MGST1: variants seen among roughly 807,000 people sequenced by gnomAD.
MGST1 encodes the protein glutathione S-transferase 12.
In MGST1, 5 loss-of-function variants were observed where a neutral mutation model predicts 8.9. The ratio of observed to expected loss-of-function variants is 0.56; its 90% CI spans 0.29 to 1.19. The LOEUF (loss-of-function observed/expected upper bound fraction) is 1.19. Among genes scored for constraint, MGST1 ranks in the 50% most tolerant of loss-of-function variants. The pLI is 0.08. For missense variants in MGST1, 182 were observed against 187.4 expected, an observed-to-expected ratio of 0.97 and a Z score of 0.17; for synonymous variants, 54 against 67.8, an observed-to-expected ratio of 0.80 and a Z score of 1.00.
At chr12:16,427,187 G>A (rs1012667326) in intron 1 of MGST1, among the ~76,000 whole-genome samples, 1 of 152,008 alleles carries the variant, frequency 6.6e-6, no homozygotes, top group South Asian at 2.1e-4. Flanking sequence ...ATTTTAAGAA[G>A]ACTAACATAT....
intron 4 of MGST1, among the ~76,000 whole-genome samples, chr12:16,529,116 T>C (rs538474520): frequency 1.1e-3 from 161 of 152,180 alleles, no homozygotes; most frequent in Non-Finnish European, 1.8e-3. Context: ...TTTCTGTAGC[T>C]CTTTTCTCCT....
chr12:16,502,905 A>G (rs1233045008), intron 4 of MGST1, among the ~76,000 whole-genome samples: 1 of 152,168 alleles, frequency 6.6e-6, no homozygotes, highest in African/African-American at 2.4e-5. Flanking sequence ...GCCACTTTCA[A>G]TCCTAGGCAT....
intron 4 of MGST1, among the ~76,000 whole-genome samples, chr12:16,525,525 T>G (rs1429287754): frequency 6.8e-6 from 1 of 148,068 alleles, no homozygotes; most frequent in East Asian, 2.0e-4. Context: ...TGCCACATTT[T>G]CTTAATCCAG....
intron 1 of MGST1, among the ~76,000 whole-genome samples, chr12:16,351,269 T>C (rs1488816718): frequency 2.0e-5 from 3 of 152,180 alleles, no homozygotes; most frequent in Non-Finnish European, 4.4e-5. Flanking sequence ...CTAATTACTT[T>C]ACCTACACTC....
At position 16,396,699 on chromosome 12, in the gene MGST1, A is replaced by G. The variant is rs142273679; in HGVS notation, n.778+13095A>G. On this transcript the variant is annotated intron_variant and non_coding_transcript_variant, in intron 1 of 1. Transcript: ENST00000359720. ...CTCCTCTTAAAATAGCTGCAAAAAAATAAAAAATACTTAGGAATATATCTA... is the reference window on the plus strand; with the variant it reads ...CTCCTCTTAAAATAGCTGCAAAAAAGTAAAAAATACTTAGGAATATATCTA... 2.9e-3 allele frequency among the ~76,000 whole-genome samples: 440 copies of G among 152,288 alleles called. 4 individuals are homozygous for G. Among genetic ancestry groups the G allele is most frequent in the African/African-American group, 1.0e-2 (415 of 41,576 alleles).
In MGST1 at chr12:16,401,903, A is replaced by G. The variant is rs1940658969; in HGVS notation, n.778+18299A>G. The G allele has an allele frequency of 4.4e-6, 7 of 1,605,488 alleles. No homozygotes were observed. In the South Asian group the frequency reaches 5.5e-5, roughly 13 times the overall value. ...ATTTGAGCTCCCCATCCTCCCTTAC[A>G]GCGACTGTATATGCCACAACTGCAC... is the stretch of plus-strand genomic sequence containing the variant. On this transcript the variant is annotated intron_variant and non_coding_transcript_variant, in intron 1 of 1. Coordinates refer to the MGST1 transcript ENST00000359720. The surrounding 1 kb of genome is among the most constrained non-coding windows in gnomAD (Gnocchi z 4.3).
intron 4 of MGST1, among the ~76,000 whole-genome samples, chr12:16,463,229 A>G (rs4764273): frequency 0.75 from 113,397 of 151,812 alleles, 42,478 homozygotes; most frequent in East Asian, 0.83. Context: ...GTCAACCTAG[A>G]GTGCAGTGGT....
At chr12:16,551,063 T>C (rs1035006680) in intron 4 of MGST1, 7 of 548,494 alleles carry the variant, frequency 1.3e-5, no homozygotes, top group African/African-American at 5.6e-5. Flanking sequence ...GCAATTTCAC[T>C]ACATACAGAT....
intron 1 of MGST1, among the ~76,000 whole-genome samples, chr12:16,351,982 CAATTG>C: frequency 6.6e-6 from 1 of 152,206 alleles, no homozygotes; most frequent in East Asian, 1.9e-4. Context: ...CACTTAATGT[CAATTG>C]AATTAGAATT....
At chr12:16,399,499 C>T in intron 1 of MGST1, 1 of 1,562,170 alleles carries the variant, frequency 6.4e-7, no homozygotes, top group Non-Finnish European at 8.8e-7. Flanking sequence ...CCCAACGACT[C>T]CTTAGAAGAG....
rs1441128861 is a variant in MGST1 at position 16,430,701 on chromosome 12, T to A, written n.779-6687T>A. 2.0e-5 allele frequency among the ~76,000 whole-genome samples: 3 copies of A among 152,308 alleles called. No homozygotes were observed. The Middle Eastern group carries it at 0.01, about 518-fold the overall frequency. Reference sequence around the variant, plus strand: ...AAAAAGATGTGCTACCATTCAGCCTTCATTGTTTCATTTATAGATCATAGA... The same window carrying A: ...AAAAAGATGTGCTACCATTCAGCCTACATTGTTTCATTTATAGATCATAGA... On this transcript the variant is annotated intron_variant and non_coding_transcript_variant, in intron 1 of 1. Coordinates refer to the MGST1 transcript ENST00000359720.
At chr12:16,521,152 G>A (rs377501856) in intron 4 of MGST1, among the ~76,000 whole-genome samples, 11 of 152,138 alleles carry the variant, frequency 7.2e-5, no homozygotes, top group East Asian at 5.8e-4. Context: ...GGTTCTGATC[G>A]TGTATACTTA....
rs558070351 is a variant in MGST1, at chr12:16,575,275, T to G, written n.483-14253T>G. Reference sequence around the variant, plus strand: ...TTGTTTATCTTCAAAAATATAGGCATAAGGTCAATTTCCACACACTAAACG... The same window carrying G: ...TTGTTTATCTTCAAAAATATAGGCAGAAGGTCAATTTCCACACACTAAACG... On this transcript the variant is annotated intron_variant and non_coding_transcript_variant, in intron 4 of 4. Coordinates refer to the MGST1 transcript ENST00000538857. Among the ~76,000 whole-genome samples, 8 of 152,224 alleles carry G rather than the reference T, an allele frequency of 5.3e-5. No individual in the cohort carries two copies. In the East Asian group the frequency reaches 1.5e-3, roughly 29 times the overall value.
chr12:16,377,209 A>ATATGTATT (rs1391465697), downstream of MGST1: 1 of 151,876 alleles, frequency 6.6e-6, no homozygotes, highest in African/African-American at 2.4e-5. Flanking sequence ...GGTTTGTTAC[A>ATATGTATT]TATGTATACA....
At chr12:16,352,530 G>A (rs1939517640) in intron 1 of MGST1, among the ~76,000 whole-genome samples, 1 of 152,180 alleles carries the variant, frequency 6.6e-6, no homozygotes, top group South Asian at 2.1e-4. Flanking sequence ...TAGCAGGGCT[G>A]ATAAAAGAAC....
chr12:16,381,387 T>C (rs376782726), downstream of MGST1, among the ~76,000 whole-genome samples: 3 of 152,096 alleles, frequency 2.0e-5, no homozygotes, highest in Non-Finnish European at 1.5e-5. Flanking sequence ...TTTATTTCTC[T>C]TTCACTTATG....
chr12:16,426,120 C>A, intron 1 of MGST1, among the ~76,000 whole-genome samples: 1 of 152,086 alleles, frequency 6.6e-6, no homozygotes, highest in East Asian at 1.9e-4. Flanking sequence ...CACTTTATAC[C>A]CTGCTCAACA....
intron 4 of MGST1, among the ~76,000 whole-genome samples, chr12:16,496,684 A>G (rs1170903901): frequency 6.6e-6 from 1 of 152,050 alleles, no homozygotes; most frequent in Non-Finnish European, 1.5e-5. Flanking sequence ...ATGTCTATGA[A>G]TACCTAATGT....
In MGST1 at chr12:16,516,481, G is replaced by A. The variant is rs142189378; in HGVS notation, n.483-73047G>A. Among the ~76,000 whole-genome samples the A allele has an allele frequency of 2.6e-3, 389 of 152,286 alleles. 2 individuals carry two copies. Among genetic ancestry groups the A allele is most frequent in the African/African-American group, 8.7e-3 (362 of 41,568 alleles). ...CAGAAGACCTGGATATTAGCTCTCT[G>A]TGGCCATGAATTAGGTCTCAAAATT... On this transcript the variant is annotated intron_variant and non_coding_transcript_variant, in intron 4 of 4. Coordinates refer to the MGST1 transcript ENST00000538857.
Sources: gnomAD v4.1 joint callset for allele counts (sites outside exome capture counted in the v4.1 genomes callset) on GRCh38, gnomAD v4.1.1 for gene constraint, Gnocchi (gnomAD v3.1) non-coding constraint, MANE v1.5 for transcripts, NCBI Gene and HGNC (gene_info 2026-07-23, HGNC 2026-07-21) for gene names.